Variants in CNTN4 observed in about 807,000 individuals in gnomAD.
CNTN4 encodes the protein contactin 4.
In CNTN4, 77 loss-of-function variants were observed where a neutral mutation model predicts 122.5. The observed-to-expected ratio is 0.63, with a 90% CI of 0.52 to 0.76. The LOEUF (loss-of-function observed/expected upper bound fraction) is 0.76, where lower values mean the gene tolerates loss of function less well. CNTN4 is among the 30% of genes least tolerant of loss of function. CNTN4 has a pLI of 0.00. For missense variants in CNTN4, 1,256 were observed against 1,259.1 expected (o/e 1.00, Z 0.04); for synonymous variants, 512 against 447.0 (o/e 1.15, Z -1.83).
chr3:3,054,754 A>G (rs1398978833), intron 24 of CNTN4, among the ~76,000 whole-genome samples: 1 of 152,140 alleles, frequency 6.6e-6, no homozygotes, highest in Non-Finnish European at 1.5e-5. Flanking sequence ...AAAGTTATGG[A>G]GCTTGAGAGT....
intron 13 of CNTN4, among the ~76,000 whole-genome samples, chr3:2,936,201 A>G (rs983719923): frequency 4.6e-5 from 7 of 152,126 alleles, no homozygotes; most frequent in African/African-American, 1.7e-4. Context: ...GTGACTTACC[A>G]TGCACCCACC....
chr3:2,439,423 G>T (rs917165183), intron 3 of CNTN4, among the ~76,000 whole-genome samples: 2 of 151,754 alleles, frequency 1.3e-5, no homozygotes, highest in Non-Finnish European at 2.9e-5. Flanking sequence ...TTTTTACTTG[G>T]TATCATAATA....
intron 3 of CNTN4, among the ~76,000 whole-genome samples, chr3:2,525,379 G>T (rs896439739): frequency 6.6e-6 from 1 of 152,118 alleles, no homozygotes; most frequent in Non-Finnish European, 1.5e-5. Context: ...AAAAGGTATT[G>T]TGAACATAAC....
intron 12 of CNTN4, among the ~76,000 whole-genome samples, chr3:2,905,949 G>A (rs1287603821): frequency 6.6e-6 from 1 of 152,188 alleles, no homozygotes; most frequent in African/African-American, 2.4e-5. Context: ...CTCCTCAGTG[G>A]ATGAATGGGC....
intron 3 of CNTN4, among the ~76,000 whole-genome samples, chr3:2,504,585 T>C (rs879922206): frequency 3.3e-5 from 5 of 152,202 alleles, no homozygotes; most frequent in Admixed American, 6.5e-5. Context: ...CCTCAATGTA[T>C]GCTAAAACTA....
intron 6 of CNTN4, among the ~76,000 whole-genome samples, chr3:2,756,654 G>A (rs192797278): frequency 9.9e-5 from 15 of 152,202 alleles, no homozygotes; most frequent in Admixed American, 5.2e-4. Flanking sequence ...TCACCCAGAT[G>A]GACCATAAAT....
chr3:2,627,770 G>C lies in CNTN4; in HGVS notation c.55+56212G>C, dbSNP rs182350687. ...GGCCTCCCAAAGTGCTGGGATTACA[G>C]GCGTGAGCCACCGTGCCTGGCCAAC... is the stretch of plus-strand genomic sequence containing the variant. On this transcript the variant is annotated intron_variant, in intron 4 of 24. Coordinates refer to ENST00000418658, the MANE Select transcript of CNTN4 (RefSeq NM_175607.3). Among the ~76,000 whole-genome samples, 347 of 152,212 alleles carry C rather than the reference G, an allele frequency of 2.3e-3. 2 individuals are homozygous for C. Among genetic ancestry groups the C allele is most frequent in the African/African-American group, 8.0e-3 (333 of 41,554 alleles).
chr3:2,910,801 C>G (rs2094291294), intron 12 of CNTN4, among the ~76,000 whole-genome samples: 1 of 152,134 alleles, frequency 6.6e-6, no homozygotes, highest in Admixed American at 6.5e-5. Context: ...GACTGACATT[C>G]AAGATTTGGT....
chr3:2,364,446 G>A (rs1398501429), intron 3 of CNTN4, among the ~76,000 whole-genome samples: 1 of 152,092 alleles, frequency 6.6e-6, no homozygotes, highest in Non-Finnish European at 1.5e-5. Flanking sequence ...GGAGAAAGGG[G>A]TCCTACTGGA....
chr3:2,482,684 G>A (rs769759305), intron 3 of CNTN4, among the ~76,000 whole-genome samples: 38 of 152,172 alleles, frequency 2.5e-4, no homozygotes, highest in Admixed American at 4.6e-4. Flanking sequence ...CACTCCGGCC[G>A]TGGCTAAAAG....
At chr3:2,265,169 G>C (rs1164345820) in intron 2 of CNTN4, among the ~76,000 whole-genome samples, 1 of 150,146 alleles carries the variant, frequency 6.7e-6, no homozygotes, top group East Asian at 2.0e-4. Context: ...TTTCCATCCA[G>C]ATTGCTGTGA....
chr3:2,914,524 T>C (rs535892887), intron 12 of CNTN4, among the ~76,000 whole-genome samples: 7 of 152,170 alleles, frequency 4.6e-5, no homozygotes, highest in East Asian at 1.9e-4. Flanking sequence ...CACTGAAAAA[T>C]TGGATAACCT....
chr3:2,318,771 CT>C (rs1425059882), intron 2 of CNTN4, among the ~76,000 whole-genome samples: 5 of 152,120 alleles, frequency 3.3e-5, no homozygotes, highest in African/African-American at 1.2e-4. Context: ...TCCCAAGTAT[CT>C]GGGACTGCAT....
Position 3,043,514 on chromosome 3 carries a change from A to G in CNTN4, c.2699-78A>G, listed in dbSNP as rs910916619. 9.6e-6 allele frequency: 11 copies of G among 1,148,452 alleles called. No homozygotes were observed. The African/African-American group carries it at 1.5e-4, about 16-fold the overall frequency. The allele number at this position is 1,148,452 out of a possible 1,614,324, so 71.1% of individuals were successfully genotyped here. A position where few individuals can be genotyped will look rare whatever the true frequency, so the allele number is the denominator to read the frequency against. On this transcript the variant is annotated intron_variant, in intron 22 of 24. Coordinates refer to ENST00000418658, the MANE Select transcript of CNTN4 (RefSeq NM_175607.3). ...CCCATTAAATTGCCTCCACTCTCGAATTCTAGTAAGGAGATATTCCTCAGA... is the reference window on the plus strand; with the variant it reads ...CCCATTAAATTGCCTCCACTCTCGAGTTCTAGTAAGGAGATATTCCTCAGA...
intron 2 of CNTN4, among the ~76,000 whole-genome samples, chr3:2,194,416 G>A (rs573103039): frequency 3.9e-5 from 6 of 152,172 alleles, no homozygotes; most frequent in African/African-American, 1.2e-4. Flanking sequence ...AACCATGATC[G>A]CGCCACTGCA....
chr3:2,955,349 C>G (rs574289933), intron 13 of CNTN4, among the ~76,000 whole-genome samples: 8 of 152,312 alleles, frequency 5.3e-5, no homozygotes, highest in Middle Eastern at 3.4e-3. Context: ...GTGTCAGTCA[C>G]GTGGTGTTTA....
intron 13 of CNTN4, among the ~76,000 whole-genome samples, chr3:2,966,713 G>T (rs990571566): frequency 9.9e-5 from 15 of 152,130 alleles, no homozygotes; most frequent in Admixed American, 7.9e-4. Context: ...TTATATGCCT[G>T]TATCAAAATG....
At chr3:2,182,234 T>A (rs1330186492) in intron 2 of CNTN4, among the ~76,000 whole-genome samples, 2 of 151,988 alleles carry the variant, frequency 1.3e-5, no homozygotes, top group African/African-American at 4.8e-5. Flanking sequence ...TTGCTTTTTC[T>A]TTACTTGGGT....
rs113454553 is a variant in CNTN4 at position 2,761,438 on chromosome 3, CTGTGTGTGTGTGTG to C, written c.358+15763_358+15776del. Among the ~76,000 whole-genome samples, 24 of 92,768 alleles carry C rather than the reference CTGTGTGTGTGTGTG, an allele frequency of 2.6e-4. 1 individual carries two copies. The South Asian group carries it at 3.8e-3, about 15-fold the overall frequency. The allele number at this position is 92,768 out of a possible 152,430, so 60.9% of individuals were successfully genotyped here. ...ATTAAATATGCCTGGTAAGTGTAACCTGTGTGTGTGTGTGTGTGTGTGTGTGTGTGTGTGTATTT... is the reference window on the plus strand; with the variant it reads ...ATTAAATATGCCTGGTAAGTGTAACCTGTGTGTGTGTGTGTGTGTGTATTT... On this transcript the variant is annotated intron_variant, in intron 6 of 24. Coordinates refer to ENST00000418658, the MANE Select transcript of CNTN4 (RefSeq NM_175607.3).
Sources: allele counts gnomAD v4.1 joint callset (sites outside exome capture counted in the v4.1 genomes callset), GRCh38; gene constraint gnomAD v4.1.1; transcripts MANE v1.5; gene names NCBI Gene and HGNC (gene_info 2026-07-23, HGNC 2026-07-21).